RFX3: variants seen among roughly 807,000 people sequenced by gnomAD.
The protein encoded by RFX3 is regulatory factor X3, also known as transcription factor RFX3.
A neutral mutation model predicts 98.6 loss-of-function variants in RFX3; 14 were observed. That is an observed-to-expected ratio of 0.14 (90% confidence interval 0.09 to 0.22). RFX3 has a LOEUF of 0.22. Ranked by LOEUF, RFX3 falls within the 10% of genes least tolerant of loss-of-function variation. The pLI, the probability that RFX3 is intolerant of heterozygous loss-of-function variation, is 1.00. For synonymous variants in RFX3, 383 were observed against 328.4 expected (o/e 1.17, Z -1.80); for missense variants, 639 against 926.9 (o/e 0.69, Z 4.03).
At chr9:3,510,455 A>C (rs184401032) in intron 1 of RFX3, among the ~76,000 whole-genome samples, 3 of 152,188 alleles carry the variant, frequency 2.0e-5, no homozygotes, top group East Asian at 3.9e-4. Context: ...CAATATTATT[A>C]TTCCCACACT....
chr9:3,227,470 T>C (rs1817914580), intron 16 of RFX3, among the ~76,000 whole-genome samples: 1 of 152,190 alleles, frequency 6.6e-6, no homozygotes, highest in Non-Finnish European at 1.5e-5. Flanking sequence ...GAAGACACTT[T>C]CTAGAAATCT....
At chr9:3,515,514 T>C (rs1818069771) in intron 1 of RFX3, among the ~76,000 whole-genome samples, 1 of 152,134 alleles carries the variant, frequency 6.6e-6, no homozygotes, top group East Asian at 1.9e-4. Context: ...CCGCCTAAAC[T>C]TAATGGTCCA....
intron 7 of RFX3, 114 bp downstream of exon 7, chr9:3,288,017 C>A: frequency 1.0e-6 from 1 of 977,498 alleles, no homozygotes; most frequent in Non-Finnish European, 1.5e-6. Flanking sequence ...GTAGTGAAAG[C>A]ATGCCAACAA....
intron 1 of RFX3, among the ~76,000 whole-genome samples, chr9:3,523,825 G>A (rs1263662005): frequency 1.3e-5 from 2 of 152,152 alleles, no homozygotes; most frequent in Non-Finnish European, 2.9e-5. Flanking sequence ...TTGGGGAGAG[G>A]AGGAATAATT....
rs1454158118 is a variant in RFX3 at position 3,270,889 on chromosome 9, C to G, written c.1202+114G>C. 2.8e-6 allele frequency: 4 copies of G among 1,427,804 alleles called. No individual in the cohort carries two copies. In the African/African-American group the frequency reaches 5.7e-5, roughly 20 times the overall value. The allele number at this position is 1,427,804 out of a possible 1,614,324, so 88.4% of individuals were successfully genotyped here. A position where few individuals can be genotyped will look rare whatever the true frequency, so the allele number is the denominator to read the frequency against. ...TTTCTAGGATGGCCAAAACATCAAT[C>G]TATTCAATTAATGTCATCAGGTAAG... On this transcript the variant is annotated intron_variant, in intron 10 of 16. Coordinates refer to ENST00000617270, the MANE Select transcript of RFX3 (RefSeq NM_001282116.2).
chr9:3,395,539 T>C lies in RFX3; in HGVS notation c.50A>G (p.Gln17Arg), dbSNP rs1840767890. 6.2e-7 allele frequency: 1 copy of C among 1,614,160 alleles called. No individual in the cohort carries two copies. The highest frequency in any genetic ancestry group is 2.2e-5 in the East Asian group (1 of 44,886). Residue 17 changes from glutamine to arginine, a missense_variant, in exon 2 of 17, where the codon CAA becomes CGA. Physicochemically the swap from Gln to Arg is conservative, Grantham distance 43. Coordinates refer to ENST00000617270, the MANE Select transcript of RFX3 (RefSeq NM_001282116.2). ...GSDTGSTVTL[Q>R]TSVASQAAVP... ...TGCTGCTTGACTAGCCACAGATGTT[T>C]GTAAGGTCACTGTCGAGCCTGTGTC...
Position 3,218,505 on chromosome 9 carries a change from C to G in RFX3, c.*6537G>C, listed in dbSNP as rs1323829899. The stretch of plus-strand genomic sequence containing the variant: ...TTATAAAAGTTCCCCAGTTATTGTA[C>G]AGTACACAATACAAATCGCCCACAA... On this transcript the variant is annotated 3_prime_UTR_variant, in exon 17 of 17. Transcript: ENST00000617270. 2.0e-5 allele frequency: 3 copies of G among 152,054 alleles called. No individual in the cohort carries two copies. Among genetic ancestry groups the G allele is most frequent in the Admixed American group, 6.6e-5 (1 of 15,258 alleles). 9.4% of individuals were successfully genotyped at this position (152,054 alleles called of 1,614,324 possible). A position where few individuals can be genotyped will look rare whatever the true frequency, so the allele number is the denominator to read the frequency against.
At chr9:3,336,787 T>A (rs1833236750) in intron 3 of RFX3, among the ~76,000 whole-genome samples, 1 of 152,050 alleles carries the variant, frequency 6.6e-6, no homozygotes, top group Non-Finnish European at 1.5e-5. Flanking sequence ...TTTTAATAGG[T>A]CACAACAGCA....
chr9:3,255,241 A>G (rs187353494), intron 14 of RFX3, among the ~76,000 whole-genome samples: 1 of 152,256 alleles, frequency 6.6e-6, no homozygotes, highest in African/African-American at 2.4e-5. Context: ...CATAATTAAA[A>G]GACCTCTGAT....
chr9:3,519,121 T>C (rs1031742203), intron 1 of RFX3, among the ~76,000 whole-genome samples: 7 of 151,950 alleles, frequency 4.6e-5, no homozygotes, highest in African/African-American at 7.3e-5. Context: ...ACAATGGGAG[T>C]ATAACAGATA....
intron 2 of RFX3, among the ~76,000 whole-genome samples, chr9:3,377,403 T>A (rs954250319): frequency 6.6e-6 from 1 of 151,878 alleles, no homozygotes; most frequent in South Asian, 2.1e-4. Flanking sequence ...ATGAGAACAC[T>A]TGGACACAGG....
chr9:3,308,822 G>T (rs1294638534), intron 4 of RFX3, among the ~76,000 whole-genome samples: 2 of 152,050 alleles, frequency 1.3e-5, no homozygotes, highest in African/African-American at 2.4e-5. Flanking sequence ...AGGTGTATGG[G>T]TTGCTATGAG....
chr9:3,311,840 C>G (rs1829998560), intron 4 of RFX3, among the ~76,000 whole-genome samples: 1 of 148,858 alleles, frequency 6.7e-6, no homozygotes, highest in South Asian at 2.1e-4. Flanking sequence ...GCCAAGATTG[C>G]ACCACTGCAA....
intron 2 of RFX3, among the ~76,000 whole-genome samples, chr9:3,354,005 A>G (rs1835455148): frequency 6.6e-6 from 1 of 152,106 alleles, no homozygotes; most frequent in Non-Finnish European, 1.5e-5. Context: ...TTTGTAGAGT[A>G]GGAAAATACA....
In RFX3 at chr9:3,224,925, T is replaced by C. The variant is rs1817599473; in HGVS notation, c.*117A>G. 2 of 1,026,616 alleles carry C rather than the reference T, an allele frequency of 1.9e-6. No individual in the cohort carries two copies. Among genetic ancestry groups the C allele is most frequent in the African/African-American group, 1.6e-5 (1 of 62,314 alleles). The allele number at this position is 1,026,616 out of a possible 1,614,324, so 63.6% of individuals were successfully genotyped here. On this transcript the variant is annotated 3_prime_UTR_variant, in exon 17 of 17. Transcript: ENST00000617270. ...ATTCCATTTCACAACTCCAAAAAGT[T>C]AATGTTCAGCACAGATAGAATTTGA...
chr9:3,282,823 C>A (rs575797321), intron 7 of RFX3, among the ~76,000 whole-genome samples: 3 of 151,846 alleles, frequency 2.0e-5, no homozygotes, highest in Admixed American at 1.3e-4. Context: ...AACTGAGGTT[C>A]TATCTAGGAA....
At chr9:3,485,915 G>A (rs1414518059) in intron 1 of RFX3, among the ~76,000 whole-genome samples, 1 of 151,644 alleles carries the variant, frequency 6.6e-6, no homozygotes, top group Non-Finnish European at 1.5e-5. Flanking sequence ...ACCTGAAGTC[G>A]GGAGTTCGAG....
chr9:3,244,077 C>T (rs1820312296), intron 15 of RFX3, among the ~76,000 whole-genome samples: 1 of 151,694 alleles, frequency 6.6e-6, no homozygotes, highest in African/African-American at 2.4e-5. Flanking sequence ...CCTTGTCTCA[C>T]TGCAACCTCC....
At chr9:3,275,424 A>G (rs753911984) in intron 9 of RFX3, 76 bp downstream of exon 9, 1 of 801,090 alleles carries the variant, frequency 1.2e-6, no homozygotes, top group Non-Finnish European at 2.1e-6. Flanking sequence ...CTTTAGGAAT[A>G]AGCTTGATTA....
Sources: gnomAD v4.1 joint callset for allele counts (sites outside exome capture counted in the v4.1 genomes callset) on GRCh38, gnomAD v4.1.1 for gene constraint, MANE v1.5 for transcripts, NCBI Gene and HGNC (gene_info 2026-07-23, HGNC 2026-07-21) for gene names.